CCDC39: variants seen among roughly 807,000 people sequenced by gnomAD.
CCDC39 encodes the protein coiled-coil domain 39 molecular ruler complex subunit.
In CCDC39, 113 loss-of-function variants were observed where a neutral mutation model predicts 121.0. The observed-to-expected ratio is 0.93, with a 90% CI of 0.80 to 1.09. The LOEUF is 1.09. Among genes scored for constraint, CCDC39 ranks in the 50% least tolerant of loss-of-function variants. The probability of loss-of-function intolerance (pLI) is 0.00; values close to 1 mark genes in which losing one functional copy is unlikely to be tolerated. For synonymous variants in CCDC39, 349 were observed against 352.2 expected, an observed-to-expected ratio of 0.99 and a Z score of 0.10; for missense variants, 1,063 against 1,074.7, an observed-to-expected ratio of 0.99 and a Z score of 0.15.
intron 6 of CCDC39, among the ~76,000 whole-genome samples, chr3:180,658,062 T>C (rs1281249423): frequency 6.7e-6 from 1 of 149,376 alleles, no homozygotes; most frequent in East Asian, 2.0e-4. Context: ...GATGAAACCC[T>C]GTCTCTACTA....
intron 1 of CCDC39, among the ~76,000 whole-genome samples, chr3:180,675,760 G>A (rs1436074285): frequency 2.0e-5 from 3 of 152,126 alleles, no homozygotes; most frequent in Non-Finnish European, 4.4e-5. Flanking sequence ...CAAGGCTACA[G>A]TAACCAAAAC....
chr3:180,645,765 A>G (rs1175724262), intron 11 of CCDC39, among the ~76,000 whole-genome samples: 2 of 152,140 alleles, frequency 1.3e-5, no homozygotes, highest in African/African-American at 4.8e-5. Flanking sequence ...TAGCTTTAAT[A>G]TAATTTGTTA....
rs1717251506 is a variant in CCDC39 at position 180,616,567 on chromosome 3, G to C, written c.2535C>G (p.Ile845Met). The C allele has an allele frequency of 6.3e-7, 1 of 1,599,592 alleles. No homozygotes were observed. Among genetic ancestry groups the C allele is most frequent in the African/African-American group, 1.3e-5 (1 of 74,398 alleles). ...TACGGATCTCAGTATTTTCTTCTATGATATCAACTAACATTTCATCAATAA... is the reference window on the plus strand; with the variant it reads ...TACGGATCTCAGTATTTTCTTCTATCATATCAACTAACATTTCATCAATAA... ...HKVIDEMLVD[I>M]IEENTEIRII... The change falls in exon 18 of 20, where the codon ATC becomes ATG. Residue 845 changes from isoleucine (I) to methionine (M), a missense_variant. Coordinates refer to ENST00000476379, the MANE Select transcript of CCDC39 (RefSeq NM_181426.2).
chr3:180,675,489 G>T (rs978854905), intron 1 of CCDC39, among the ~76,000 whole-genome samples: 11 of 152,026 alleles, frequency 7.2e-5, no homozygotes, highest in African/African-American at 2.7e-4. Context: ...CTTCAGTTCT[G>T]CTCTGATCTT....
At chr3:180,656,571 C>A (rs996195188) in intron 6 of CCDC39, among the ~76,000 whole-genome samples, 6 of 152,180 alleles carry the variant, frequency 3.9e-5, no homozygotes, top group African/African-American at 1.4e-4. Context: ...GCAACTCCAT[C>A]TTGAAGAGGA....
chr3:180,673,094 T>C (rs1172421477), intron 1 of CCDC39, among the ~76,000 whole-genome samples: 1 of 152,214 alleles, frequency 6.6e-6, no homozygotes, highest in Non-Finnish European at 1.5e-5. Flanking sequence ...AGTTGTCTCT[T>C]ACAGATGAGC....
At chr3:180,666,830 A>G (rs1374312139) in intron 1 of CCDC39, among the ~76,000 whole-genome samples, 1 of 152,028 alleles carries the variant, frequency 6.6e-6, no homozygotes. Context: ...AGAAACAGAT[A>G]ATTCAGGACA....
intron 8 of CCDC39, 53 bp downstream of exon 8, chr3:180,652,110 T>C: frequency 1.0e-6 from 1 of 961,988 alleles, no homozygotes; most frequent in Non-Finnish European, 1.6e-6. Flanking sequence ...TTAATAATTT[T>C]CTAGATATAG....
chr3:180,645,765 ATAATT>A (rs1718053777), intron 11 of CCDC39, among the ~76,000 whole-genome samples: 1 of 152,140 alleles, frequency 6.6e-6, no homozygotes. Flanking sequence ...TAGCTTTAAT[ATAATT>A]TGTTAATTCA....
chr3:180,641,250 A>G (rs1002891945), intron 13 of CCDC39, among the ~76,000 whole-genome samples: 2 of 152,090 alleles, frequency 1.3e-5, no homozygotes, highest in Non-Finnish European at 2.9e-5. Context: ...TTCTTAGTAA[A>G]GGATAAAAAT....
At position 180,677,835 on chromosome 3, in the gene CCDC39, C is replaced by T. The variant is rs186924389; in HGVS notation, c.90+1456G>A. Among the ~76,000 whole-genome samples, 148 of 152,050 alleles carry T rather than the reference C, an allele frequency of 9.7e-4. 1 individual carries two copies. Among genetic ancestry groups the T allele is most frequent in the African/African-American group, 3.5e-3 (145 of 41,480 alleles). On this transcript the variant is annotated intron_variant, in intron 1 of 19. Coordinates refer to ENST00000476379, the MANE Select transcript of CCDC39 (RefSeq NM_181426.2). ...AGTGGACACTTTGGAGAGGAAATACCTTATGTTTTTATCTCATACCCTTCT... is the reference window on the plus strand; with the variant it reads ...AGTGGACACTTTGGAGAGGAAATACTTTATGTTTTTATCTCATACCCTTCT...
intron 14 of CCDC39, among the ~76,000 whole-genome samples, chr3:180,620,626 GCATATATATA>G (rs1717408412): frequency 6.6e-6 from 1 of 151,604 alleles, no homozygotes; most frequent in Non-Finnish European, 1.5e-5. Flanking sequence ...TAGATAGTAT[GCATATATATA>G]CATATATATG....
At chr3:180,630,234 A>C (rs1294342836) in intron 14 of CCDC39, among the ~76,000 whole-genome samples, 2 of 152,170 alleles carry the variant, frequency 1.3e-5, no homozygotes, top group Non-Finnish European at 2.9e-5. Flanking sequence ...TACCTAAAAA[A>C]TTAGAGCCTA....
In CCDC39 at chr3:180,659,739, A is replaced by G. The variant is rs375301243; in HGVS notation, c.547T>C (p.Leu183=). The G allele has an allele frequency of 1.3e-4, 213 of 1,612,088 alleles. No individual in the cohort carries two copies. Among genetic ancestry groups the G allele is most frequent in the Admixed American group, 1.7e-4 (10 of 59,942 alleles). The change falls in exon 5 of 20, where the codon TTG becomes CTG. Residue 183 remains leucine (L), a synonymous_variant. Coordinates refer to ENST00000476379, the MANE Select transcript of CCDC39 (RefSeq NM_181426.2). The part of the protein sequence containing the change: ...ALTLQLERLT[L]ECNQKRKILD... ...ATCTTTCTTTTCTGATTACATTCCA[A>G]AGTTAGTCTTTCTAATTGCAGAGTC...
chr3:180,650,668 C>A (rs1718179117), intron 9 of CCDC39, among the ~76,000 whole-genome samples: 1 of 151,690 alleles, frequency 6.6e-6, no homozygotes, highest in African/African-American at 2.4e-5. Context: ...GCCAGCCTGG[C>A]CAACATGGTG....
chr3:180,644,182 C>G lies in CCDC39; in HGVS notation c.1603G>C (p.Glu535Gln). ...EKQSLMTKINELNLFIDRSEK... is the reference protein window; with the variant it reads ...EKQSLMTKINQLNLFIDRSEK... ...GATCTGTCGATGAAAAGGTTTAGTT[C>G]ATTTATTTTGGTCATAAGGGACTGT... is the stretch of plus-strand genomic sequence containing the variant. The change falls in exon 12 of 20, where the codon GAA becomes CAA. Residue 535 changes from glutamate to glutamine, a missense_variant. By Grantham distance (29) the Glu-to-Gln change is conservative (BLOSUM62 2). Transcript: ENST00000476379. 1 of 1,545,138 alleles carries G rather than the reference C, an allele frequency of 6.5e-7. No individual in the cohort carries two copies. The highest frequency in any genetic ancestry group is 1.2e-5 in the South Asian group (1 of 82,764).
intron 6 of CCDC39, among the ~76,000 whole-genome samples, chr3:180,657,128 G>T (rs1052403558): frequency 2.0e-5 from 3 of 152,180 alleles, no homozygotes; most frequent in Non-Finnish European, 4.4e-5. Flanking sequence ...TCTGGTAACA[G>T]TATGAAAATA....
chr3:180,671,210 CAAAAAAA>C (rs67323828), intron 1 of CCDC39, among the ~76,000 whole-genome samples: 11 of 78,390 alleles, frequency 1.4e-4, no homozygotes, highest in African/African-American at 3.5e-4. Flanking sequence ...GACTCTGTGT[CAAAAAAA>C]AAAAAAAAAA....
At chr3:180,644,738 A>G (rs1435461107) in intron 11 of CCDC39, among the ~76,000 whole-genome samples, 1 of 152,228 alleles carries the variant, frequency 6.6e-6, no homozygotes, top group African/African-American at 2.4e-5. Flanking sequence ...GTTACACTAT[A>G]TCATTTAGGG....
Sources: allele counts gnomAD v4.1 joint callset (sites outside exome capture counted in the v4.1 genomes callset), GRCh38; gene constraint gnomAD v4.1.1; transcripts MANE v1.5; gene names NCBI Gene and HGNC (gene_info 2026-07-23, HGNC 2026-07-21).